NAV3: variants seen among roughly 807,000 people sequenced by gnomAD.
NAV3 encodes the protein pore membrane and/or filament interacting like protein 1.
NAV3 carries 87 observed loss-of-function variants against 244.7 expected under a neutral mutation model. The observed-to-expected ratio is 0.36, with a 90% CI of 0.30 to 0.42. The LOEUF is 0.42. NAV3 is among the 20% of genes least tolerant of loss of function. The probability of loss-of-function intolerance (pLI) is 1.00; values close to 1 mark genes in which losing one functional copy is unlikely to be tolerated. For synonymous variants in NAV3, 1,126 were observed against 1,042.2 expected (o/e 1.08, Z -1.55); for missense variants, 2,663 against 2,893.3 (o/e 0.92, Z 1.83).
chr12:77,825,223 G>A (rs186952248), intron 2 of NAV3, among the ~76,000 whole-genome samples: 1 of 152,032 alleles, frequency 6.6e-6, no homozygotes, highest in Non-Finnish European at 1.5e-5. Flanking sequence ...TGTTATAAAA[G>A]GTTGTTTATA....
intron 1 of NAV3, among the ~76,000 whole-genome samples, chr12:77,929,304 G>C (rs1251349461): frequency 2.6e-5 from 4 of 151,034 alleles, no homozygotes; most frequent in Admixed American, 2.6e-4. Flanking sequence ...AATTTTTAGA[G>C]TTCCATTTTT....
intron 2 of NAV3, among the ~76,000 whole-genome samples, chr12:77,647,583 G>C (rs1410847455): frequency 6.6e-6 from 1 of 151,528 alleles, no homozygotes; most frequent in Admixed American, 6.6e-5. Flanking sequence ...AGAAACACTT[G>C]AAAAGACCAG....
chr12:78,134,963 T>C (rs892970098), intron 18 of NAV3, among the ~76,000 whole-genome samples: 1 of 152,180 alleles, frequency 6.6e-6, no homozygotes, highest in Non-Finnish European at 1.5e-5. Flanking sequence ...CTCTTCTATT[T>C]GGAAATTCTT....
chr12:78,111,383 A>C (rs1023951255), intron 12 of NAV3, among the ~76,000 whole-genome samples: 2 of 152,122 alleles, frequency 1.3e-5, no homozygotes, highest in Admixed American at 1.3e-4. Flanking sequence ...AATTCACTAA[A>C]ATCCAAAAAA....
chr12:78,149,272 T>C (rs1593795154), intron 22 of NAV3, among the ~76,000 whole-genome samples: 1 of 152,252 alleles, frequency 6.6e-6, no homozygotes, highest in Non-Finnish European at 1.5e-5. Flanking sequence ...GAAGATAAAA[T>C]ATTCCTGTGC....
intron 12 of NAV3, among the ~76,000 whole-genome samples, chr12:78,077,453 A>G (rs919090241): frequency 6.6e-6 from 1 of 152,252 alleles, no homozygotes; most frequent in Admixed American, 6.5e-5. Context: ...CTAACTATTT[A>G]GAAATGTAAA....
intron 2 of NAV3, among the ~76,000 whole-genome samples, chr12:77,774,995 T>C (rs1870278291): frequency 6.6e-6 from 1 of 152,180 alleles, no homozygotes; most frequent in African/African-American, 2.4e-5. Flanking sequence ...GCTTCCACTG[T>C]GAACAAATGG....
chr12:78,100,101 T>A (rs1159465004), intron 12 of NAV3, among the ~76,000 whole-genome samples: 1 of 151,950 alleles, frequency 6.6e-6, no homozygotes, highest in African/African-American at 2.4e-5. Flanking sequence ...GGTATTAATG[T>A]TAGTCTCTAT....
At position 78,127,226 on chromosome 12, in the gene NAV3, C is replaced by A. The variant is rs552757694; in HGVS notation, c.4280+18C>A. 3.2e-4 allele frequency: 523 copies of A among 1,609,708 alleles called. 4 individuals carry two copies. The South Asian group carries it at 5.3e-3, about 16-fold the overall frequency. On this transcript the variant is annotated intron_variant, in intron 17 of 39. Coordinates refer to ENST00000397909, the MANE Select transcript of NAV3 (RefSeq NM_001024383.2). ...GGACTAAGGTATATATTCCTCTCAG[C>A]ACAATTGCTACCTCTCTGTTGTTAT...
At chr12:78,014,334 A>G (rs1306808249) in intron 8 of NAV3, among the ~76,000 whole-genome samples, 4 of 152,102 alleles carry the variant, frequency 2.6e-5, no homozygotes, top group Admixed American at 6.6e-5. Flanking sequence ...CAGGGTTTTG[A>G]GCAGTTCTCA....
chr12:77,880,243 T>C (rs1020567445), intron 1 of NAV3, among the ~76,000 whole-genome samples: 1 of 152,100 alleles, frequency 6.6e-6, no homozygotes, highest in Non-Finnish European at 1.5e-5. Context: ...TATTTTTCAT[T>C]TGGGGAAGAT....
chr12:77,903,813 C>G (rs903849855), intron 1 of NAV3, among the ~76,000 whole-genome samples: 1 of 152,070 alleles, frequency 6.6e-6, no homozygotes, highest in Non-Finnish European at 1.5e-5. Flanking sequence ...AAACAAACAA[C>G]CCCATCAAAA....
chr12:78,055,848 G>T (rs1032395450), intron 11 of NAV3, among the ~76,000 whole-genome samples: 8 of 152,192 alleles, frequency 5.3e-5, no homozygotes, highest in Non-Finnish European at 1.2e-4. Flanking sequence ...AGGGAAATTG[G>T]TTTGATGACA....
At chr12:77,594,995 G>A (rs1870102373) in intron 2 of NAV3, among the ~76,000 whole-genome samples, 1 of 152,106 alleles carries the variant, frequency 6.6e-6, no homozygotes, top group African/African-American at 2.4e-5. Context: ...AAAAAAGTAT[G>A]GAGGTTTCTC....
chr12:78,145,383 A>G (rs1341998052), intron 20 of NAV3, among the ~76,000 whole-genome samples: 1 of 152,104 alleles, frequency 6.6e-6, no homozygotes, highest in Non-Finnish European at 1.5e-5. Context: ...ATGTTTTCTG[A>G]AAGAAAAGCA....
chr12:78,129,592 A>G (rs1234595234), intron 18 of NAV3, among the ~76,000 whole-genome samples: 1 of 152,188 alleles, frequency 6.6e-6, no homozygotes, highest in Non-Finnish European at 1.5e-5. Context: ...AAAGAAAACT[A>G]AACATGCCAG....
intron 5 of NAV3, among the ~76,000 whole-genome samples, chr12:77,977,779 T>C (rs1868782181): frequency 6.6e-6 from 1 of 151,636 alleles, no homozygotes; most frequent in South Asian, 2.1e-4. Flanking sequence ...GATTCTTCCC[T>C]AGTTAAGGCC....
At chr12:77,705,205 G>A (rs1875740576) in intron 2 of NAV3, among the ~76,000 whole-genome samples, 1 of 152,158 alleles carries the variant, frequency 6.6e-6, no homozygotes, top group Non-Finnish European at 1.5e-5. Context: ...GATCACCTGA[G>A]GTCAGGAGTT....
At chr12:77,572,893 T>G (rs1210460311) in intron 2 of NAV3, among the ~76,000 whole-genome samples, 1 of 143,524 alleles carries the variant, frequency 7.0e-6, no homozygotes, top group Non-Finnish European at 1.6e-5. Flanking sequence ...AGGGATGTAC[T>G]TCACCTTCAT....
Sources: allele counts gnomAD v4.1 joint callset (sites outside exome capture counted in the v4.1 genomes callset), GRCh38; gene constraint gnomAD v4.1.1; transcripts MANE v1.5; gene names NCBI Gene and HGNC (gene_info 2026-07-23, HGNC 2026-07-21).